The following WNT10B variants were observed in gnomAD, a reference collection of about 807,000 sequenced individuals.
WNT10B encodes the protein protein Wnt-10b.
WNT10B carries 26 observed loss-of-function variants against 32.7 expected under a neutral mutation model. That is an observed-to-expected ratio of 0.79 (90% CI 0.58 to 1.10). The LOEUF (loss-of-function observed/expected upper bound fraction) is 1.10. WNT10B is among the 50% of genes least tolerant of loss of function. The pLI, the probability that WNT10B is intolerant of heterozygous loss-of-function variation, is 0.00. For missense variants in WNT10B, 474 were observed against 532.5 expected, an observed-to-expected ratio of 0.89 and a Z score of 1.08; for synonymous variants, 204 against 220.4, an observed-to-expected ratio of 0.93 and a Z score of 0.66.
In WNT10B at chr12:48,966,384, G is replaced by T. The variant is rs186175985; in HGVS notation, c.881C>A (p.Ala294Asp). The part of the protein sequence containing the change: ...FIDTHNRNSG[A>D]FQPRLRPRRL... ...ACGGGGACGCAGACGGGGCTGGAAG[G>T]CTCCAGAATTGCGGTTGTGGGTATC... is the stretch of plus-strand genomic sequence containing the variant. Residue 294 changes from alanine (A) to aspartate (D), a missense_variant, in exon 5 of 5, where the codon GCC becomes GAC. By Grantham distance (126) the Ala-to-Asp change is moderately radical (BLOSUM62 -2). Coordinates refer to ENST00000301061, the MANE Select transcript of WNT10B (RefSeq NM_003394.4). The T allele has an allele frequency of 4.3e-6, 7 of 1,614,138 alleles. No individual in the cohort carries two copies. The highest frequency in any genetic ancestry group is 3.4e-6 in the Non-Finnish European group (4 of 1,180,044).
chr12:48,967,821 G>C, intron 4 of WNT10B, 125 bp downstream of exon 4: 2 of 1,314,122 alleles, frequency 1.5e-6, no homozygotes, highest in Non-Finnish European at 2.1e-6. Context: ...AACTGAGGCT[G>C]GGTGACTTGC....
In WNT10B at chr12:48,970,379, T is replaced by C; in HGVS notation, c.75-28A>G. On this transcript the variant is annotated intron_variant, in intron 2 of 4. Coordinates refer to ENST00000301061, the MANE Select transcript of WNT10B (RefSeq NM_003394.4). This position sits in a 1 kb window ranked among gnomAD's most constrained non-coding sequence, Gnocchi z 5.0. ...GGGAACCAAGAAGGCGTCTGGGGTC[T>C]GCGGTCCAGACCCCTCCAACTCTCC... 6.2e-7 allele frequency: 1 copy of C among 1,614,092 alleles called. No individual in the cohort carries two copies. Among genetic ancestry groups the C allele is most frequent in the Non-Finnish European group, 8.5e-7 (1 of 1,179,980 alleles).
In WNT10B at chr12:48,965,504, G is replaced by A. The variant is rs930056320; in HGVS notation, c.*591C>T. ...GTCCCCATTAACATCTGAATGGAAG[G>A]AGACAACTTCCCTAAGGGCCTGGAC... On this transcript the variant is annotated 3_prime_UTR_variant, in exon 5 of 5. Coordinates refer to ENST00000301061, the MANE Select transcript of WNT10B (RefSeq NM_003394.4). The A allele has an allele frequency of 6.5e-6, 1 of 152,886 alleles. No homozygotes were observed. Among genetic ancestry groups the A allele is most frequent in the Non-Finnish European group, 1.5e-5 (1 of 68,254 alleles). The allele number at this position is 152,886 out of a possible 1,614,324, so 9.5% of individuals were successfully genotyped here. A position where few individuals can be genotyped will look rare whatever the true frequency, so the allele number is the denominator to read the frequency against.
rs1426985018 is a variant in WNT10B at position 48,965,628 on chromosome 12, G to A, written c.*467C>T. On this transcript the variant is annotated 3_prime_UTR_variant, in exon 5 of 5. Coordinates refer to ENST00000301061, the MANE Select transcript of WNT10B (RefSeq NM_003394.4). The stretch of plus-strand genomic sequence containing the variant: ...CACTGTCTCCCATTATCCCACAAGA[G>A]GGAGCCCAGGCTGCAGTAAAGGAGT... 1 of 163,444 alleles carries A rather than the reference G, an allele frequency of 6.1e-6. No homozygotes were observed. Among genetic ancestry groups the A allele is most frequent in the African/African-American group, 2.4e-5 (1 of 41,664 alleles). 10.1% of individuals were successfully genotyped at this position (163,444 alleles called of 1,614,324 possible).
chr12:48,967,920 A>G (rs1211804176), intron 4 of WNT10B, 26 bp downstream of exon 4: 1 of 1,612,290 alleles, frequency 6.2e-7, no homozygotes, highest in Non-Finnish European at 8.5e-7. Flanking sequence ...AGCTGGGGAG[A>G]CCCAGGACAA....
chr12:48,970,398 A>C lies in WNT10B; in HGVS notation c.75-47T>G. On this transcript the variant is annotated intron_variant, in intron 2 of 4. Coordinates refer to ENST00000301061, the MANE Select transcript of WNT10B (RefSeq NM_003394.4). The surrounding 1 kb of genome is among the most constrained non-coding windows in gnomAD (Gnocchi z 5.0). ...GGGGTCTGCGGTCCAGACCCCTCCA[A>C]CTCTCCCCACCCCGGGTCGGTGTTT... 1 of 1,613,782 alleles carries C rather than the reference A, an allele frequency of 6.2e-7. No homozygotes were observed. The highest frequency in any genetic ancestry group is 8.5e-7 in the Non-Finnish European group (1 of 1,179,904).
At position 48,970,054 on chromosome 12, in the gene WNT10B, T is replaced by TC. The variant is rs759951124; in HGVS notation, c.337+34dup. ...TCGCCCTGCCGCCCACCCCCTAGCCTCCGCGGCAGCGCCGACCCGCCCAGC... is the reference window on the plus strand; with the variant it reads ...TCGCCCTGCCGCCCACCCCCTAGCCTCCCGCGGCAGCGCCGACCCGCCCAGC... On this transcript the variant is annotated intron_variant, in intron 3 of 4. Transcript: ENST00000301061. This position sits in a 1 kb window ranked among gnomAD's most constrained non-coding sequence, Gnocchi z 5.0. The TC allele has an allele frequency of 3.1e-5, 46 of 1,463,678 alleles. No individual in the cohort carries two copies. The highest frequency in any genetic ancestry group is 1.4e-5 in the Non-Finnish European group (16 of 1,111,144). The allele number at this position is 1,463,678 out of a possible 1,614,324, so 90.7% of individuals were successfully genotyped here.
intron 1 of WNT10B, among the ~76,000 whole-genome samples, chr12:48,971,179 C>T (rs1273825511): frequency 6.6e-6 from 1 of 152,204 alleles, no homozygotes; most frequent in Non-Finnish European, 1.5e-5. Context: ...AGACTGAGTC[C>T]TCTTCCCTAT....
At chr12:48,966,667 A>G (rs1053782862) in intron 4 of WNT10B, 114 bp from the exon 5 acceptor site, 5 of 1,160,786 alleles carry the variant, frequency 4.3e-6, no homozygotes, top group Admixed American at 1.9e-5. Flanking sequence ...GGAGGCAAGA[A>G]TAACATGGTA....
chr12:48,968,034 T>C lies in WNT10B; in HGVS notation c.623A>G (p.Lys208Arg), dbSNP rs534874168. The change falls in exon 4 of 5, where the codon AAG becomes AGG. Residue 208 changes from lysine to arginine, a missense_variant. Transcript: ENST00000301061. The stretch of plus-strand genomic sequence containing the variant: ...GGAATCCAAGAAATCCCGAGAGAAC[T>C]TCTCTCCAAAGTCCATGTCATGGTT... ...GCNHDMDFGE[K>R]FSRDFLDSRE... 166 of 1,614,234 alleles carry C rather than the reference T, an allele frequency of 1.0e-4. 2 individuals are homozygous for C. The South Asian group carries it at 1.8e-3, about 17-fold the overall frequency.
At position 48,966,336 on chromosome 12, in the gene WNT10B, T is replaced by C. The variant is rs751103072; in HGVS notation, c.929A>G (p.Tyr310Cys). The C allele has an allele frequency of 2.5e-6, 4 of 1,614,150 alleles. No individual in the cohort carries two copies. The highest frequency in any genetic ancestry group is 3.4e-6 in the Non-Finnish European group (4 of 1,180,008). Residue 310 changes from tyrosine to cysteine, a missense_variant, in exon 5 of 5, where the codon TAC (tyrosine) becomes TGC (cysteine). Coordinates refer to ENST00000301061, the MANE Select transcript of WNT10B (RefSeq NM_003394.4). ...RPRRLSGELV[Y>C]FEKSPDFCER... ...ACAGAAGTCAGGAGACTTCTCAAAG[T>C]AGACCAGCTCTCCTGAGAGGCGACG...
rs1161708529 is a variant in WNT10B at position 48,970,049 on chromosome 12, T to C, written c.337+40A>G. The C allele has an allele frequency of 4.8e-6, 7 of 1,449,346 alleles. No homozygotes were observed. The Admixed American group carries it at 9.5e-5, about 20-fold the overall frequency. The allele number at this position is 1,449,346 out of a possible 1,614,324, so 89.8% of individuals were successfully genotyped here. ...GCGCCTCGCCCTGCCGCCCACCCCC[T>C]AGCCTCCGCGGCAGCGCCGACCCGC... On this transcript the variant is annotated intron_variant, in intron 3 of 4. Coordinates refer to ENST00000301061, the MANE Select transcript of WNT10B (RefSeq NM_003394.4). This position sits in a 1 kb window ranked among gnomAD's most constrained non-coding sequence, Gnocchi z 5.0.
chr12:48,970,940 C>T lies in WNT10B; in HGVS notation c.-40-371G>A, dbSNP rs546468959. 63 of 302,244 alleles carry T rather than the reference C, an allele frequency of 2.1e-4. 1 individual carries two copies. The Admixed American group carries it at 2.3e-3, about 11-fold the overall frequency. 18.7% of individuals were successfully genotyped at this position (302,244 alleles called of 1,614,324 possible). A position where few individuals can be genotyped will look rare whatever the true frequency, so the allele number is the denominator to read the frequency against. On this transcript the variant is annotated intron_variant, in intron 1 of 4. Transcript: ENST00000301061. This position sits in a 1 kb window ranked among gnomAD's most constrained non-coding sequence, Gnocchi z 5.0. ...TTTTCCAGGGCCCCACGACTAGCTT[C>T]CCCGCCCTCACAGGGCTAGGGAGAG...
rs1193680258 is a variant in WNT10B, at chr12:48,970,752, AAAG to A, written c.-40-186_-40-184del. On this transcript the variant is annotated intron_variant, in intron 1 of 4. Transcript: ENST00000301061. This position sits in a 1 kb window ranked among gnomAD's most constrained non-coding sequence, Gnocchi z 5.0. ...AGAGTCCCTGAGGCTTGGAGGTCTT[AAAG>A]AAGAAGAGTCAAGGCGTTGTCCCAG... The A allele has an allele frequency of 8.2e-6, 5 of 607,546 alleles. No homozygotes were observed. The highest frequency in any genetic ancestry group is 1.5e-5 in the Non-Finnish European group (5 of 343,964). 37.6% of individuals were successfully genotyped at this position (607,546 alleles called of 1,614,324 possible). A position where few individuals can be genotyped will look rare whatever the true frequency, so the allele number is the denominator to read the frequency against.
intron 3 of WNT10B, 29 bp from the exon 4 acceptor site, chr12:48,968,348 G>A: frequency 4.4e-6 from 7 of 1,599,800 alleles, no homozygotes; most frequent in Non-Finnish European, 5.1e-6. Flanking sequence ...TGATGGTGGA[G>A]GTAAGGTTGA....
In WNT10B at chr12:48,970,381, C is replaced by T. The variant is rs1365326937; in HGVS notation, c.75-30G>A. On this transcript the variant is annotated intron_variant, in intron 2 of 4. Transcript: ENST00000301061. This position sits in a 1 kb window ranked among gnomAD's most constrained non-coding sequence, Gnocchi z 5.0. ...GAACCAAGAAGGCGTCTGGGGTCTG[C>T]GGTCCAGACCCCTCCAACTCTCCCC... 1 of 1,614,036 alleles carries T rather than the reference C, an allele frequency of 6.2e-7. No homozygotes were observed. The highest frequency in any genetic ancestry group is 8.5e-7 in the Non-Finnish European group (1 of 1,179,952).
chr12:48,966,446 C>T lies in WNT10B; in HGVS notation c.819G>A (p.Ala273=), dbSNP rs570515430. The change falls in exon 5 of 5, where the codon GCG becomes GCA. Residue 273 remains alanine, a synonymous_variant. Transcript: ENST00000301061. ...CCCGGCCCAGCCGCTCCCTCAACGC[C>T]GCCCCCACTGCCCGGAACTCTGGGG... ...RAAPEFRAVG[A]ALRERLGRAI... The T allele has an allele frequency of 1.3e-5, 21 of 1,614,066 alleles. No homozygotes were observed. Among genetic ancestry groups the T allele is most frequent in the South Asian group, 4.4e-5 (4 of 91,088 alleles).
Position 48,968,261 on chromosome 12 carries a change from T to C in WNT10B, c.396A>G (p.Val132=), listed in dbSNP as rs756823350. 2 of 1,608,282 alleles carry C rather than the reference T, an allele frequency of 1.2e-6. No homozygotes were observed. The highest frequency in any genetic ancestry group is 2.2e-5 in the South Asian group (2 of 91,086). ...SMLAAGVMHA[V]ATACSLGKLV... Reference sequence around the variant, plus strand: ...GCTTGCCCAGGCTGCAGGCCGTGGCTACTGCGTGCATGACCCCAGCAGCCA... The same window carrying C: ...GCTTGCCCAGGCTGCAGGCCGTGGCCACTGCGTGCATGACCCCAGCAGCCA... The change falls in exon 4 of 5, where the codon GTA becomes GTG. Residue 132 remains valine, a synonymous_variant. Coordinates refer to ENST00000301061, the MANE Select transcript of WNT10B (RefSeq NM_003394.4).
rs773540376 is a variant in WNT10B, at chr12:48,970,184, T to C, written c.242A>G (p.His81Arg). ...SALQGLHIAVHECQHQLRDQR... is the reference protein window; with the variant it reads ...SALQGLHIAVRECQHQLRDQR... ...GTCGCGCAGCTGGTGCTGACACTCG[T>C]GGACCGCGATGTGCAGACCCTGAAG... The change falls in exon 3 of 5, where the codon CAC (histidine) becomes CGC (arginine). Residue 81 changes from histidine (H) to arginine (R), a missense_variant. Coordinates refer to ENST00000301061, the MANE Select transcript of WNT10B (RefSeq NM_003394.4). This position sits in a 1 kb window ranked among gnomAD's most constrained non-coding sequence, Gnocchi z 5.0. The C allele has an allele frequency of 6.4e-7, 1 of 1,571,080 alleles. No individual in the cohort carries two copies. The highest frequency in any genetic ancestry group is 8.6e-7 in the Non-Finnish European group (1 of 1,159,682).
Sources: gnomAD v4.1 joint callset for allele counts (sites outside exome capture counted in the v4.1 genomes callset) on GRCh38, gnomAD v4.1.1 for gene constraint, Gnocchi (gnomAD v3.1) non-coding constraint, MANE v1.5 for transcripts, NCBI Gene and HGNC (gene_info 2026-07-23, HGNC 2026-07-21) for gene names.